DZANK1: variants seen among roughly 807,000 people sequenced by gnomAD.
DZANK1 encodes double zinc ribbon and ankyrin repeat domains 1.
A neutral mutation model predicts 94.5 loss-of-function variants in DZANK1; 91 were observed. The ratio of observed to expected loss-of-function variants is 0.96; its 90% CI spans 0.81 to 1.15. The LOEUF (loss-of-function observed/expected upper bound fraction) is 1.15, where lower values mean the gene tolerates loss of function less well. Among genes scored for constraint, DZANK1 ranks in the 50% most tolerant of loss-of-function variants. The probability of loss-of-function intolerance (pLI) is 0.00; values close to 1 mark genes in which losing one functional copy is unlikely to be tolerated. For missense variants in DZANK1, 903 were observed against 916.4 expected (o/e 0.99, Z 0.19); for synonymous variants, 312 against 325.3 (o/e 0.96, Z 0.44).
chr20:18,408,199 C>G (rs1021979783), intron 13 of DZANK1, among the ~76,000 whole-genome samples: 5 of 152,260 alleles, frequency 3.3e-5, no homozygotes, highest in African/African-American at 1.2e-4. Flanking sequence ...GCCCGCTATC[C>G]CAGCTACTTG....
chr20:18,436,633 A>G (rs573940954), intron 8 of DZANK1, among the ~76,000 whole-genome samples: 2 of 152,284 alleles, frequency 1.3e-5, no homozygotes, highest in Non-Finnish European at 2.9e-5. Context: ...CAAGTAAGGG[A>G]AAGAGAGAAA....
chr20:18,390,593 T>A, intron 17 of DZANK1, 134 bp from the exon 18 acceptor site: 1 of 741,656 alleles, frequency 1.3e-6, no homozygotes. Flanking sequence ...AGTGTGTGAG[T>A]GGTCTTTAAT....
At chr20:18,412,692 T>C in exon 13 of DZANK1, 6 of 1,613,428 alleles carry the variant, frequency 3.7e-6, no homozygotes, top group Non-Finnish European at 5.1e-6. Flanking sequence ...GGTCACTCAT[T>C]TTCTCCTGCC....
At chr20:18,419,890 C>CAAAAAA (rs74179199) in intron 10 of DZANK1, among the ~76,000 whole-genome samples, 1 of 124,894 alleles carries the variant, frequency 8.0e-6, no homozygotes, top group African/African-American at 3.0e-5. Context: ...GGTGTAAATA[C>CAAAAAA]AAAAAAAAAA....
At position 18,397,569 on chromosome 20, in the gene DZANK1, C is replaced by T. The variant is rs2424188; in HGVS notation, c.1536+954G>A. On this transcript the variant is annotated intron_variant, in intron 14 of 20. Coordinates refer to ENST00000262547, the Ensembl canonical transcript of DZANK1. ...TAAGGCTTCTTCTGACTATCAACTG[C>T]GGTGTGAAAAACCACCCCAAACTTA... Among the ~76,000 whole-genome samples, 539 of 152,034 alleles carry T rather than the reference C, an allele frequency of 3.5e-3. 1 individual carries two copies. The highest frequency in any genetic ancestry group is 5.9e-3 in the Non-Finnish European group (403 of 67,964).
intron 13 of DZANK1, among the ~76,000 whole-genome samples, chr20:18,410,776 C>T (rs750327318): frequency 3.3e-5 from 5 of 152,048 alleles, no homozygotes; most frequent in Non-Finnish European, 4.4e-5. Flanking sequence ...ACAGTGTCAC[C>T]CCATCTCTAC....
At chr20:18,396,762 A>G (rs946960191) in intron 14 of DZANK1, among the ~76,000 whole-genome samples, 3 of 152,278 alleles carry the variant, frequency 2.0e-5, no homozygotes, top group African/African-American at 7.2e-5. Context: ...AACCATATCT[A>G]AACTCTACTA....
chr20:18,428,752 T>TA (rs1330449601), intron 9 of DZANK1: 1 of 152,232 alleles, frequency 6.6e-6, no homozygotes, highest in Non-Finnish European at 1.5e-5. Context: ...CAGAAGCTGA[T>TA]ACAGGTAAAG....
intron 13 of DZANK1, among the ~76,000 whole-genome samples, chr20:18,400,744 C>T (rs1242912800): frequency 2.0e-5 from 3 of 152,134 alleles, no homozygotes; most frequent in African/African-American, 7.2e-5. Flanking sequence ...AGCCATTTAT[C>T]CCACAAATAT....
intron 3 of DZANK1, among the ~76,000 whole-genome samples, chr20:18,458,844 C>T (rs2059377148): frequency 6.6e-6 from 1 of 152,138 alleles, no homozygotes; most frequent in Non-Finnish European, 1.5e-5. Context: ...TTTCCCCCAC[C>T]CCAGCTGGCC....
chr20:18,391,657 T>C (rs1483276162), intron 17 of DZANK1, among the ~76,000 whole-genome samples: 2 of 152,264 alleles, frequency 1.3e-5, no homozygotes, highest in African/African-American at 4.8e-5. Context: ...AGTATGTTTC[T>C]GCCTCTGGAT....
exon 20 of DZANK1, chr20:18,385,069 A>G: frequency 1.9e-6 from 3 of 1,553,292 alleles, no homozygotes; most frequent in Non-Finnish European, 2.6e-6. Context: ...GAGTTGCTTC[A>G]TGAAGAGCTG....
chr20:18,438,212 C>T (rs543569936), intron 8 of DZANK1, among the ~76,000 whole-genome samples: 811 of 68,152 alleles, frequency 0.012, 13 homozygotes, highest in African/African-American at 0.052. Flanking sequence ...GAGTGAGACT[C>T]TGTCTCAAAA....
intron 15 of DZANK1, among the ~76,000 whole-genome samples, 170 bp downstream of exon 15, chr20:18,396,302 T>A (rs2056338763): frequency 6.6e-6 from 1 of 152,256 alleles, no homozygotes; most frequent in African/African-American, 2.4e-5. Context: ...CATGTGCCTG[T>A]CTGAGGTTTA....
At chr20:18,443,395 A>G (rs1234693437) in exon 8 of DZANK1, 2 of 1,547,066 alleles carry the variant, frequency 1.3e-6, no homozygotes, top group Admixed American at 2.0e-5. Context: ...TGGGTGGGAC[A>G]GGAGAGCCAC....
chr20:18,466,136 T>C (rs2059642411), intron 1 of DZANK1, among the ~76,000 whole-genome samples: 1 of 152,274 alleles, frequency 6.6e-6, no homozygotes, highest in Non-Finnish European at 1.5e-5. Context: ...AACGCTCACC[T>C]TAACACAACA....
intron 10 of DZANK1, among the ~76,000 whole-genome samples, chr20:18,423,868 T>C (rs1486049947): frequency 2.0e-5 from 3 of 151,940 alleles, no homozygotes; most frequent in Non-Finnish European, 4.4e-5. Flanking sequence ...AGTTCTCATC[T>C]TAAAAATTAG....
At chr20:18,384,611 T>A (rs761670819) in intron 20 of DZANK1, 47 bp from the exon 21 acceptor site, 28 of 1,525,166 alleles carry the variant, frequency 1.8e-5, no homozygotes, top group Non-Finnish European at 2.3e-5. Context: ...GACTTGAACA[T>A]GTGACCCTAA....
intron 7 of DZANK1, among the ~76,000 whole-genome samples, chr20:18,446,396 A>G (rs908458099): frequency 6.6e-6 from 1 of 152,220 alleles, no homozygotes; most frequent in African/African-American, 2.4e-5. Context: ...TAACTAACCC[A>G]TTGCCCTCCC....
Sources: gnomAD v4.1 joint callset for allele counts (sites outside exome capture counted in the v4.1 genomes callset) on GRCh38, gnomAD v4.1.1 for gene constraint, MANE v1.5 for transcripts, NCBI Gene and HGNC (gene_info 2026-07-23, HGNC 2026-07-21) for gene names.